ATP2B2: variants seen among roughly 807,000 people sequenced by gnomAD.
The protein encoded by ATP2B2 is ATPase plasma membrane Ca2+ transporting 2, also known as plasma membrane calcium-transporting ATPase 2.
A neutral mutation model predicts 120.0 loss-of-function variants in ATP2B2; 15 were observed. The observed-to-expected ratio is 0.12, with a 90% CI of 0.08 to 0.19. The LOEUF is 0.19. ATP2B2 is among the 10% of genes least tolerant of loss of function. The probability of loss-of-function intolerance (pLI) is 1.00; values close to 1 mark genes in which losing one functional copy is unlikely to be tolerated. For synonymous variants in ATP2B2, 694 were observed against 700.3 expected, an observed-to-expected ratio of 0.99 and a Z score of 0.14; for missense variants, 1,045 against 1,719.8, an observed-to-expected ratio of 0.61 and a Z score of 6.94.
Position 10,536,527 on chromosome 3 carries a change from TTTC to T in ATP2B2, c.-414-2397_-414-2395del, listed in dbSNP as rs200502084. 3.3e-3 allele frequency among the ~76,000 whole-genome samples: 497 copies of T among 151,828 alleles called. 3 individuals carry two copies. The highest frequency in any genetic ancestry group is 0.011 in the African/African-American group (476 of 41,394). On this transcript the variant is annotated intron_variant, in intron 2 of 21. Coordinates refer to the ATP2B2 transcript ENST00000646379. ...TTTTCCTCCTCCTCCTCCTTTCTTC[TTTC>T]TTCTTCTTCTTTTTGAGAAAGGGTC...
intron 2 of ATP2B2, among the ~76,000 whole-genome samples, chr3:10,553,862 A>AG (rs932596572): frequency 2.6e-5 from 4 of 151,996 alleles, no homozygotes; most frequent in East Asian, 3.9e-4. Flanking sequence ...TGACCTCATG[A>AG]GGGGGCCATT....
chr3:10,399,571 G>C (rs1489694407), intron 5 of ATP2B2, among the ~76,000 whole-genome samples: 2 of 152,156 alleles, frequency 1.3e-5, no homozygotes, highest in African/African-American at 4.8e-5. Flanking sequence ...TAAATTCTAA[G>C]CTCCAGGACA....
chr3:10,578,722 G>A (rs767009100), intron 2 of ATP2B2, among the ~76,000 whole-genome samples: 3 of 152,110 alleles, frequency 2.0e-5, no homozygotes, highest in Non-Finnish European at 2.9e-5. Context: ...AATACTACAC[G>A]GCTCTGAAAA....
At chr3:10,547,117 A>G (rs547074429) in intron 2 of ATP2B2, among the ~76,000 whole-genome samples, 11 of 151,932 alleles carry the variant, frequency 7.2e-5, no homozygotes, top group Non-Finnish European at 1.3e-4. Flanking sequence ...GGTCAATTGT[A>G]TCGGTCTGGG....
chr3:10,338,089 C>A, intron 22 of ATP2B2, 87 bp downstream of exon 22: 1 of 1,572,220 alleles, frequency 6.4e-7, no homozygotes, highest in Non-Finnish European at 8.7e-7. Context: ...CAGAGCTGGG[C>A]CCTGGGGGGC....
At chr3:10,593,760 C>T (rs1013834222) in intron 2 of ATP2B2, among the ~76,000 whole-genome samples, 18 of 152,256 alleles carry the variant, frequency 1.2e-4, no homozygotes, top group African/African-American at 3.9e-4. Flanking sequence ...AAGAAACTAC[C>T]GTCAGAGTGA....
At chr3:10,563,421 C>G (rs2067945067) in intron 2 of ATP2B2, among the ~76,000 whole-genome samples, 1 of 152,244 alleles carries the variant, frequency 6.6e-6, no homozygotes, top group Non-Finnish European at 1.5e-5. Flanking sequence ...TGCTCTGACC[C>G]TCATTGGATG....
intron 2 of ATP2B2, among the ~76,000 whole-genome samples, chr3:10,592,734 T>C (rs938090132): frequency 6.6e-6 from 1 of 152,206 alleles, no homozygotes; most frequent in Non-Finnish European, 1.5e-5. Context: ...TTTCATTTCA[T>C]TTCCCACTGC....
At chr3:10,593,046 A>C (rs2068681370) in intron 2 of ATP2B2, among the ~76,000 whole-genome samples, 1 of 152,188 alleles carries the variant, frequency 6.6e-6, no homozygotes, top group Non-Finnish European at 1.5e-5. Flanking sequence ...TTGACCTCCC[A>C]AAGTGCTGGG....
At chr3:10,672,288 G>T (rs770098562) in intron 1 of ATP2B2, among the ~76,000 whole-genome samples, 12 of 152,310 alleles carry the variant, frequency 7.9e-5, no homozygotes, top group Middle Eastern at 6.8e-3. Flanking sequence ...ACACCTGTGG[G>T]TTCAGAAGAG....
Position 10,497,726 on chromosome 3 carries a change from C to G in ATP2B2, c.-320+7739G>C, listed in dbSNP as rs534733546. On this transcript the variant is annotated intron_variant, in intron 1 of 22. Coordinates refer to ENST00000360273, the MANE Select transcript of ATP2B2 (RefSeq NM_001001331.4). ...TCTATGCTTTAAATTCCTCCTTGTA[C>G]TACGGTCTTTGCTGTTTGTTTTGCA... Among the ~76,000 whole-genome samples the G allele has an allele frequency of 3.9e-5, 6 of 152,332 alleles. No individual in the cohort carries two copies. The South Asian group carries it at 8.3e-4, about 21-fold the overall frequency.
intron 1 of ATP2B2, among the ~76,000 whole-genome samples, chr3:10,476,411 A>G (rs1200386594): frequency 6.6e-6 from 1 of 152,262 alleles, no homozygotes; most frequent in Non-Finnish European, 1.5e-5. Context: ...CTGCTTTTCA[A>G]TAAAGGCCGT....
intron 2 of ATP2B2, among the ~76,000 whole-genome samples, chr3:10,433,583 T>C (rs1488537424): frequency 6.6e-6 from 1 of 152,166 alleles, no homozygotes; most frequent in African/African-American, 2.4e-5. Context: ...AGGTAAAAAG[T>C]GTGTGTCCCC....
chr3:10,389,345 G>T lies in ATP2B2; in HGVS notation c.782-943C>A, dbSNP rs866673468. ...GAGCAACTTGTCCAACAGCAAGCAA[G>T]GGCTTCAGAGGGAGGATAAGCTGAA... is the stretch of plus-strand genomic sequence containing the variant. On this transcript the variant is annotated intron_variant, in intron 5 of 22. Coordinates refer to ENST00000360273, the MANE Select transcript of ATP2B2 (RefSeq NM_001001331.4). Among the ~76,000 whole-genome samples the T allele has an allele frequency of 1.5e-4, 23 of 152,322 alleles. No homozygotes were observed. In the South Asian group the frequency reaches 2.9e-3, roughly 19 times the overall value.
intron 1 of ATP2B2, among the ~76,000 whole-genome samples, chr3:10,497,141 C>T (rs2066185304): frequency 6.6e-6 from 1 of 152,240 alleles, no homozygotes; most frequent in Non-Finnish European, 1.5e-5. Flanking sequence ...TGAGGGAAGA[C>T]AGAAACGACT....
At chr3:10,465,070 T>C (rs187902773) in intron 1 of ATP2B2, among the ~76,000 whole-genome samples, 467 of 152,346 alleles carry the variant, frequency 3.1e-3, no homozygotes, top group Middle Eastern at 0.027. Context: ...GCCTAAGGGA[T>C]ACCTTGAAGA....
chr3:10,585,269 G>T (rs149068631), intron 2 of ATP2B2, among the ~76,000 whole-genome samples: 3,737 of 152,014 alleles, frequency 0.025, 72 homozygotes, highest in Admixed American at 0.043. Flanking sequence ...GCCGAGGCTG[G>T]AGGATCACGA....
chr3:10,585,219 C>T (rs1451241921), intron 2 of ATP2B2, among the ~76,000 whole-genome samples: 5 of 152,028 alleles, frequency 3.3e-5, no homozygotes, highest in African/African-American at 7.3e-5. Flanking sequence ...AGTGAGAGGC[C>T]GGGCAGGGTG....
chr3:10,629,979 C>A (rs1373690237), intron 1 of ATP2B2, among the ~76,000 whole-genome samples: 1 of 152,118 alleles, frequency 6.6e-6, no homozygotes, highest in Admixed American at 6.5e-5. Flanking sequence ...AGTGGAGAAG[C>A]CATCAGGACA....
Sources: allele counts gnomAD v4.1 joint callset (sites outside exome capture counted in the v4.1 genomes callset), GRCh38; gene constraint gnomAD v4.1.1; transcripts MANE v1.5; gene names NCBI Gene and HGNC (gene_info 2026-07-23, HGNC 2026-07-21).